PDGFRL: variants seen among roughly 807,000 people sequenced by gnomAD.
PDGFRL encodes the protein platelet derived growth factor receptor like.
A neutral mutation model predicts 37.2 loss-of-function variants in PDGFRL; 46 were observed. That is an observed-to-expected ratio of 1.24 (90% CI 0.98 to 1.58). PDGFRL has a LOEUF of 1.58. Among genes scored for constraint, PDGFRL ranks in the 40% most tolerant of loss-of-function variants. The pLI is 0.00. For synonymous variants in PDGFRL, 251 were observed against 184.3 expected (o/e 1.36, Z -2.93); for missense variants, 692 against 467.6 (o/e 1.48, Z -4.43).
In PDGFRL at chr8:17,634,163, G is replaced by C; in HGVS notation, c.889G>C (p.Gly297Arg). The C allele has an allele frequency of 6.2e-7, 1 of 1,613,662 alleles. No homozygotes were observed. Among genetic ancestry groups the C allele is most frequent in the Non-Finnish European group, 8.5e-7 (1 of 1,179,596 alleles). Residue 297 changes from glycine to arginine, a missense_variant, in exon 5 of 6, where the codon GGG (glycine) becomes CGG (arginine). Transcript: ENST00000251630. Reference sequence around the variant, plus strand: ...CATCAGTGTGCTCTGCACTGTCCTGGGGGAGCCCGATGTGGAGGTGGAGTT... The same window carrying C: ...CATCAGTGTGCTCTGCACTGTCCTGCGGGAGCCCGATGTGGAGGTGGAGTT... ...DDISVLCTVL[G>R]EPDVEVEFTW...
chr8:17,602,704 G>A (rs914637713), intron 2 of PDGFRL, among the ~76,000 whole-genome samples: 1 of 152,136 alleles, frequency 6.6e-6, no homozygotes, highest in Non-Finnish European at 1.5e-5. Context: ...TTGGAAGAGC[G>A]TAACTGCAGG....
intron 3 of PDGFRL, 82 bp from the exon 4 acceptor site, chr8:17,628,405 G>A: frequency 3.8e-6 from 4 of 1,040,118 alleles, no homozygotes; most frequent in Non-Finnish European, 6.0e-6. Context: ...TCAGTATTCA[G>A]AGTATGCTGC....
intron 4 of PDGFRL, among the ~76,000 whole-genome samples, chr8:17,631,129 C>T (rs1348423550): frequency 6.6e-6 from 1 of 152,136 alleles, no homozygotes; most frequent in Admixed American, 6.5e-5. Context: ...AGTTGCGTTG[C>T]AGAACGCTGC....
chr8:17,621,892 C>T (rs75557222), intron 3 of PDGFRL, among the ~76,000 whole-genome samples: 2,371 of 152,174 alleles, frequency 0.016, 27 homozygotes, highest in East Asian at 0.075. Flanking sequence ...AGGCTGGTCT[C>T]GAACTCCTGA....
intron 4 of PDGFRL, among the ~76,000 whole-genome samples, chr8:17,630,181 C>T (rs1281128799): frequency 1.3e-5 from 2 of 152,116 alleles, no homozygotes; most frequent in African/African-American, 4.8e-5. Context: ...CTGTTTTCCC[C>T]AATGTGCACA....
At chr8:17,618,319 G>C (rs929605957) in intron 2 of PDGFRL, among the ~76,000 whole-genome samples, 1 of 152,166 alleles carries the variant, frequency 6.6e-6, no homozygotes, top group Non-Finnish European at 1.5e-5. Context: ...GCCTCCCAAA[G>C]TGTTGGGATT....
At chr8:17,593,019 T>A (rs976064007) in intron 2 of PDGFRL, among the ~76,000 whole-genome samples, 5 of 152,166 alleles carry the variant, frequency 3.3e-5, no homozygotes, top group Non-Finnish European at 7.3e-5. Context: ...TGTCTACTTA[T>A]CTCTCTTATC....
At chr8:17,592,939 CACACACACACACT>C (rs1803973968) in intron 2 of PDGFRL, among the ~76,000 whole-genome samples, 1 of 100,414 alleles carries the variant, frequency 1.0e-5, no homozygotes, top group Admixed American at 1.1e-4. Flanking sequence ...CACACACACA[CACACACACACACT>C]ACTCTACACA....
intron 2 of PDGFRL, among the ~76,000 whole-genome samples, chr8:17,596,064 A>T (rs2440547): frequency 0.039 from 5,922 of 152,276 alleles, 332 homozygotes; most frequent in African/African-American, 0.12. Context: ...GGTATCACAC[A>T]GCTGGCAGCC....
Position 17,613,603 on chromosome 8 carries a change from C to T in PDGFRL, c.354-7448C>T, listed in dbSNP as rs189277103. On this transcript the variant is annotated intron_variant, in intron 2 of 5. Transcript: ENST00000251630. Reference sequence around the variant, plus strand: ...TTTCAATAATCCAGAGAAGCCCAGGCGCAGTGGCTCATGCCTGTAATCCCA... The same window carrying T: ...TTTCAATAATCCAGAGAAGCCCAGGTGCAGTGGCTCATGCCTGTAATCCCA... 1.4e-3 allele frequency among the ~76,000 whole-genome samples: 206 copies of T among 152,234 alleles called. 1 individual carries two copies. Among genetic ancestry groups the T allele is most frequent in the African/African-American group, 4.3e-3 (178 of 41,548 alleles).
intron 5 of PDGFRL, among the ~76,000 whole-genome samples, chr8:17,636,114 T>C (rs1359557590): frequency 2.0e-5 from 3 of 152,246 alleles, no homozygotes; most frequent in Non-Finnish European, 4.4e-5. Flanking sequence ...AGAAGTTTTT[T>C]AGTTTAATTA....
At chr8:17,613,363 G>C (rs1317409352) in intron 2 of PDGFRL, among the ~76,000 whole-genome samples, 1 of 152,128 alleles carries the variant, frequency 6.6e-6, no homozygotes, top group African/African-American at 2.4e-5. Context: ...TAAAGGACCT[G>C]GATATGCTGG....
At chr8:17,582,986 G>GGT (rs1458600126) in intron 1 of PDGFRL, among the ~76,000 whole-genome samples, 1 of 152,102 alleles carries the variant, frequency 6.6e-6, no homozygotes, top group Non-Finnish European at 1.5e-5. Context: ...TCCCAGGTGT[G>GGT]GTTCCAGATG....
intron 4 of PDGFRL, among the ~76,000 whole-genome samples, chr8:17,630,670 T>C (rs1397123141): frequency 1.3e-5 from 2 of 151,034 alleles, no homozygotes; most frequent in Non-Finnish European, 3.0e-5. Flanking sequence ...GGGCACCAGG[T>C]TAGGGGAAGT....
At chr8:17,631,410 G>C (rs1039995527) in intron 4 of PDGFRL, among the ~76,000 whole-genome samples, 1 of 152,110 alleles carries the variant, frequency 6.6e-6, no homozygotes, top group African/African-American at 2.4e-5. Flanking sequence ...GCTGCTCTCT[G>C]AAGTTAGAAT....
chr8:17,628,229 C>G (rs938221144), intron 3 of PDGFRL, among the ~76,000 whole-genome samples: 2 of 151,434 alleles, frequency 1.3e-5, no homozygotes, highest in African/African-American at 4.9e-5. Flanking sequence ...CTCCTGACCT[C>G]GTGATCTGCC....
intron 2 of PDGFRL, among the ~76,000 whole-genome samples, chr8:17,599,140 T>G (rs577331550): frequency 1.1e-4 from 16 of 152,224 alleles, no homozygotes; most frequent in Non-Finnish European, 2.4e-4. Context: ...CTCTCTCTTT[T>G]AAAATTTTAT....
chr8:17,637,290 A>C (rs941455516), intron 5 of PDGFRL, among the ~76,000 whole-genome samples: 2 of 152,290 alleles, frequency 1.3e-5, no homozygotes, highest in African/African-American at 4.8e-5. Flanking sequence ...TTTAATCATA[A>C]AGGGATGCTG....
intron 2 of PDGFRL, among the ~76,000 whole-genome samples, chr8:17,602,136 C>T (rs1475659277): frequency 6.6e-6 from 1 of 152,158 alleles, no homozygotes; most frequent in African/African-American, 2.4e-5. Context: ...TTATTTTTGG[C>T]TTTGGTTACT....
Sources: allele counts gnomAD v4.1 joint callset (sites outside exome capture counted in the v4.1 genomes callset), GRCh38; gene constraint gnomAD v4.1.1; transcripts MANE v1.5; gene names NCBI Gene and HGNC (gene_info 2026-07-23, HGNC 2026-07-21).